The following CCDC178 variants were observed in gnomAD, a reference collection of about 807,000 sequenced individuals.
CCDC178 encodes coiled-coil domain-containing protein 178.
A neutral mutation model predicts 117.4 loss-of-function variants in CCDC178; 126 were observed. The observed-to-expected ratio is 1.07, with a 90% CI of 0.93 to 1.24. The LOEUF (loss-of-function observed/expected upper bound fraction) is 1.24, where lower values mean the gene tolerates loss of function less well. Ranked by LOEUF, CCDC178 falls within the 50% of genes most tolerant of loss-of-function variation. The pLI is 0.00. For synonymous variants in CCDC178, 283 were observed against 313.4 expected (o/e 0.90, Z 1.02); for missense variants, 1,030 against 986.9 (o/e 1.04, Z -0.59).
chr18:33,073,216 A>T (rs893920699), intron 21 of CCDC178, among the ~76,000 whole-genome samples: 1 of 151,822 alleles, frequency 6.6e-6, no homozygotes, highest in African/African-American at 2.4e-5. Context: ...AGTATTGCTG[A>T]CTTTTGGAAT....
intron 20 of CCDC178, among the ~76,000 whole-genome samples, chr18:33,170,609 AAAT>A (rs1439953508): frequency 6.6e-6 from 1 of 152,142 alleles, no homozygotes; most frequent in Admixed American, 6.6e-5. Flanking sequence ...GTTAATAGAA[AAAT>A]AATGACTTTA....
At chr18:32,967,000 G>GTA (rs932633213) in intron 22 of CCDC178, among the ~76,000 whole-genome samples, 8 of 151,500 alleles carry the variant, frequency 5.3e-5, no homozygotes, top group Non-Finnish European at 1.0e-4. Context: ...TTTCTGAGTG[G>GTA]TATCTCTACC....
At chr18:33,234,700 A>G (rs2059407666) in intron 15 of CCDC178, among the ~76,000 whole-genome samples, 3 of 152,092 alleles carry the variant, frequency 2.0e-5, no homozygotes, top group Admixed American at 2.0e-4. Flanking sequence ...TAATTTGAAA[A>G]ACCAAGAAGC....
intron 21 of CCDC178, among the ~76,000 whole-genome samples, chr18:32,977,470 T>C (rs1296312412): frequency 6.6e-6 from 1 of 152,170 alleles, no homozygotes; most frequent in Non-Finnish European, 1.5e-5. Context: ...CCACATAGCA[T>C]AGGTTTTCAA....
intron 2 of CCDC178, among the ~76,000 whole-genome samples, chr18:33,418,601 C>A (rs984211675): frequency 1.3e-5 from 2 of 151,970 alleles, no homozygotes; most frequent in Admixed American, 1.3e-4. Flanking sequence ...CCGATAGTCT[C>A]TGCCCAAAAG....
intron 3 of CCDC178, among the ~76,000 whole-genome samples, chr18:33,402,181 G>A (rs895568202): frequency 1.1e-4 from 16 of 152,086 alleles, no homozygotes; most frequent in African/African-American, 3.9e-4. Context: ...AGATATCAGA[G>A]AAAATGATAA....
intron 20 of CCDC178, among the ~76,000 whole-genome samples, chr18:33,192,245 T>C (rs897306256): frequency 2.0e-5 from 3 of 152,164 alleles, no homozygotes; most frequent in South Asian, 4.1e-4. Flanking sequence ...GAGTTTAATA[T>C]AGTATGAATT....
intron 4 of CCDC178, among the ~76,000 whole-genome samples, chr18:33,389,992 G>C (rs111360533): frequency 1.2e-4 from 18 of 148,444 alleles, no homozygotes; most frequent in African/African-American, 4.2e-4. Context: ...GCATGTGTAT[G>C]TGTATATATA....
intron 18 of CCDC178, among the ~76,000 whole-genome samples, chr18:33,221,877 A>G (rs1377058199): frequency 6.6e-6 from 1 of 152,100 alleles, no homozygotes; most frequent in African/African-American, 2.4e-5. Flanking sequence ...GCTTTCTAAG[A>G]ACAAAATCTT....
At chr18:33,304,502 T>C (rs986690722) in intron 11 of CCDC178, among the ~76,000 whole-genome samples, 10 of 152,244 alleles carry the variant, frequency 6.6e-5, no homozygotes, top group African/African-American at 2.4e-4. Context: ...GTTCTATTAC[T>C]TTTGCTTTAT....
intron 15 of CCDC178, among the ~76,000 whole-genome samples, chr18:33,235,824 C>G (rs2059419914): frequency 2.0e-5 from 3 of 152,162 alleles, no homozygotes; most frequent in Admixed American, 2.0e-4. Flanking sequence ...TTCATTCCAT[C>G]AACACTATAA....
intron 20 of CCDC178, among the ~76,000 whole-genome samples, chr18:33,174,618 A>C (rs1011962403): frequency 6.6e-6 from 1 of 152,180 alleles, no homozygotes; most frequent in East Asian, 1.9e-4. Flanking sequence ...CCACCTGAGG[A>C]TAAGACAAAT....
intron 20 of CCDC178, among the ~76,000 whole-genome samples, chr18:33,109,657 C>G (rs1257792499): frequency 6.6e-6 from 1 of 151,520 alleles, no homozygotes. Context: ...AATAATTAAC[C>G]ATTCTCCCAA....
intron 11 of CCDC178, among the ~76,000 whole-genome samples, chr18:33,313,321 G>T (rs2062368278): frequency 6.6e-6 from 1 of 152,190 alleles, no homozygotes. Context: ...CACCAAAAGG[G>T]AGGGGCTGAG....
chr18:33,137,813 A>C (rs991591808), intron 20 of CCDC178, among the ~76,000 whole-genome samples: 2 of 152,314 alleles, frequency 1.3e-5, no homozygotes, highest in Non-Finnish European at 2.9e-5. Context: ...CTTGGAAGAC[A>C]CAATCACACG....
At chr18:32,986,361 TC>T (rs2055263449) in intron 21 of CCDC178, among the ~76,000 whole-genome samples, 1 of 151,976 alleles carries the variant, frequency 6.6e-6, no homozygotes, top group African/African-American at 2.4e-5. Flanking sequence ...GTTTTTGTTT[TC>T]CCCTTGGCTT....
intron 15 of CCDC178, among the ~76,000 whole-genome samples, chr18:33,238,215 A>G (rs2059448186): frequency 6.6e-6 from 1 of 152,188 alleles, no homozygotes; most frequent in Admixed American, 6.5e-5. Context: ...AGATGCACAG[A>G]TACCAACATA....
chr18:33,321,059 C>A (rs1374696082), intron 11 of CCDC178, among the ~76,000 whole-genome samples: 1 of 152,176 alleles, frequency 6.6e-6, no homozygotes, highest in Non-Finnish European at 1.5e-5. Context: ...GAAACTGGAT[C>A]CCTTCCTTAC....
At chr18:33,055,485 C>T (rs533095511) in intron 21 of CCDC178, among the ~76,000 whole-genome samples, 15 of 152,042 alleles carry the variant, frequency 9.9e-5, no homozygotes, top group African/African-American at 2.7e-4. Flanking sequence ...AGCAGGTGCA[C>T]GCCACCATGC....
Sources: gnomAD v4.1 joint callset for allele counts (sites outside exome capture counted in the v4.1 genomes callset) on GRCh38, gnomAD v4.1.1 for gene constraint, MANE v1.5 for transcripts, NCBI Gene and HGNC (gene_info 2026-07-23, HGNC 2026-07-21) for gene names.